SH3RF3: variants seen among roughly 807,000 people sequenced by gnomAD.
SH3RF3 encodes the protein E3 ubiquitin-protein ligase SH3RF3.
In SH3RF3, 29 loss-of-function variants were observed where a neutral mutation model predicts 66.3. The ratio of observed to expected loss-of-function variants is 0.44; its 90% CI spans 0.33 to 0.60. SH3RF3 has a LOEUF of 0.60. Ranked by LOEUF, SH3RF3 falls within the 20% of genes least tolerant of loss-of-function variation. SH3RF3 has a pLI of 0.04. For missense variants in SH3RF3, 1,194 were observed against 1,190.9 expected (o/e 1.00, Z -0.04); for synonymous variants, 583 against 532.0 (o/e 1.10, Z -1.32).
intron 1 of SH3RF3, among the ~76,000 whole-genome samples, chr2:109,195,993 C>A (rs1678490387): frequency 6.6e-6 from 1 of 152,228 alleles, no homozygotes; most frequent in Non-Finnish European, 1.5e-5. Flanking sequence ...ACCAGAAACT[C>A]CCATTTGCAG....
intron 3 of SH3RF3, among the ~76,000 whole-genome samples, chr2:109,383,101 G>C (rs1441429969): frequency 1.3e-5 from 2 of 152,180 alleles, no homozygotes; most frequent in South Asian, 2.1e-4. Context: ...CCCTGGCTCC[G>C]AGGCACTTGT....
intron 4 of SH3RF3, 146 bp from the exon 5 acceptor site, chr2:109,419,393 C>A: frequency 2.6e-6 from 2 of 781,034 alleles, no homozygotes; most frequent in South Asian, 1.7e-5. Context: ...CCATGACAGT[C>A]CAGGTAGGCA....
rs539283612 is a variant in SH3RF3, at chr2:109,277,321, T to C, written c.574-70353T>C. 3.3e-5 allele frequency among the ~76,000 whole-genome samples: 5 copies of C among 152,320 alleles called. No homozygotes were observed. In the South Asian group the frequency reaches 8.3e-4, roughly 25 times the overall value. On this transcript the variant is annotated intron_variant, in intron 1 of 9. Transcript: ENST00000309415. ...CTGAGGTTTGCAGATGATGGTTTGA[T>C]TGGATTTTGAAATGATTATTTTCTC...
intron 1 of SH3RF3, among the ~76,000 whole-genome samples, chr2:109,329,061 C>G (rs1229645077): frequency 2.0e-5 from 3 of 152,128 alleles, no homozygotes; most frequent in African/African-American, 7.2e-5. Flanking sequence ...GGCCTGGAAT[C>G]CTCTCACATT....
intron 1 of SH3RF3, among the ~76,000 whole-genome samples, chr2:109,153,791 G>A (rs547768306): frequency 4.6e-5 from 7 of 152,268 alleles, no homozygotes; most frequent in Admixed American, 2.0e-4. Flanking sequence ...CCCGACCCCC[G>A]ATGCCACCAT....
intron 8 of SH3RF3, among the ~76,000 whole-genome samples, chr2:109,468,400 TATC>T (rs1264234256): frequency 1.3e-5 from 2 of 152,212 alleles, no homozygotes; most frequent in Non-Finnish European, 2.9e-5. Flanking sequence ...TCAGTTTCAT[TATC>T]ATCTTATAAG....
At chr2:109,149,438 C>G (rs557670463) in intron 1 of SH3RF3, among the ~76,000 whole-genome samples, 38 of 152,348 alleles carry the variant, frequency 2.5e-4, no homozygotes, top group African/African-American at 9.1e-4. Flanking sequence ...TTCTAAACCT[C>G]TTTAATCTCA....
chr2:109,358,676 C>T (rs1682999725), intron 2 of SH3RF3, among the ~76,000 whole-genome samples: 1 of 152,204 alleles, frequency 6.6e-6, no homozygotes, highest in Non-Finnish European at 1.5e-5. Flanking sequence ...GTGTATTTTG[C>T]ATAATAATCC....
chr2:109,433,276 A>G (rs1161031649), intron 6 of SH3RF3, among the ~76,000 whole-genome samples: 1 of 152,262 alleles, frequency 6.6e-6, no homozygotes, highest in African/African-American at 2.4e-5. Flanking sequence ...GAAAAATGAT[A>G]TCTTCCCAAA....
chr2:109,159,669 C>T (rs965926016), intron 1 of SH3RF3, among the ~76,000 whole-genome samples: 8 of 152,108 alleles, frequency 5.3e-5, no homozygotes, highest in Non-Finnish European at 8.8e-5. Context: ...GGCGGGAGAG[C>T]GAGCAAAGCT....
chr2:109,442,771 A>G (rs887743257), intron 7 of SH3RF3, among the ~76,000 whole-genome samples: 4 of 152,242 alleles, frequency 2.6e-5, no homozygotes, highest in Non-Finnish European at 5.9e-5. Context: ...CATCCAAAAG[A>G]AAGCATTAAC....
intron 2 of SH3RF3, among the ~76,000 whole-genome samples, chr2:109,362,945 G>A (rs1683078233): frequency 6.6e-6 from 1 of 152,096 alleles, no homozygotes; most frequent in South Asian, 2.1e-4. Context: ...TAATCTGCTT[G>A]TGTGTGTATA....
rs1678904138 is a variant in SH3RF3 at position 109,484,063 on chromosome 2, CTTT to C, written c.2149-6541_2149-6539del. On this transcript the variant is annotated intron_variant, in intron 8 of 9. Transcript: ENST00000309415. ...GCACCAAGGTGTGCCATCCTCTGGC[CTTT>C]CTTTTTTTTTTTTTTTTTTGAGACC... 2.2e-5 allele frequency among the ~76,000 whole-genome samples: 3 copies of C among 139,482 alleles called. No homozygotes were observed. The Admixed American group carries it at 2.2e-4, about 10-fold the overall frequency. 91.5% of individuals were successfully genotyped at this position (139,482 alleles called of 152,430 possible).
chr2:109,221,576 C>T (rs978245169), intron 1 of SH3RF3, among the ~76,000 whole-genome samples: 1 of 128,866 alleles, frequency 7.8e-6, no homozygotes, highest in South Asian at 2.4e-4. Flanking sequence ...GGTGAGACTC[C>T]ATCTCAAAAA....
In SH3RF3 at chr2:109,491,110, G is replaced by A. The variant is rs1330588280; in HGVS notation, c.2480+174G>A. Among the ~76,000 whole-genome samples the A allele has an allele frequency of 2.0e-5, 3 of 152,210 alleles. No homozygotes were observed. In the East Asian group the frequency reaches 5.8e-4, roughly 29 times the overall value. ...TTGGGTGGTGAGTGCTGGATGAAAC[G>A]AGTCTGGGAACTGGAGTGTTATTTC... is the stretch of plus-strand genomic sequence containing the variant. On this transcript the variant is annotated intron_variant, in intron 9 of 9. Coordinates refer to ENST00000309415, the MANE Select transcript of SH3RF3 (RefSeq NM_001099289.3).
intron 1 of SH3RF3, among the ~76,000 whole-genome samples, chr2:109,207,748 G>A (rs1412155093): frequency 1.3e-5 from 2 of 151,616 alleles, no homozygotes; most frequent in African/African-American, 4.8e-5. Flanking sequence ...ATTTTATGTT[G>A]TAAATTGCTA....
rs1024385269 is a variant in SH3RF3 at position 109,476,460 on chromosome 2, C to T, written c.2149-14145C>T. 2.0e-5 allele frequency among the ~76,000 whole-genome samples: 3 copies of T among 152,218 alleles called. No individual in the cohort carries two copies. The East Asian group carries it at 5.8e-4, about 29-fold the overall frequency. On this transcript the variant is annotated intron_variant, in intron 8 of 9. Transcript: ENST00000309415. ...AGTAGTACTCAAATCCCATCAGACT[C>T]TTCAGACAGTTCATACAAGGAGGTC...
intron 8 of SH3RF3, among the ~76,000 whole-genome samples, chr2:109,461,146 A>T (rs1015664062): frequency 6.6e-6 from 1 of 152,162 alleles, no homozygotes; most frequent in East Asian, 1.9e-4. Context: ...CTCTAACCCG[A>T]TCATGTGTCC....
chr2:109,134,989 C>G (rs1227346629), intron 1 of SH3RF3, among the ~76,000 whole-genome samples: 2 of 152,212 alleles, frequency 1.3e-5, no homozygotes, highest in African/African-American at 2.4e-5. Context: ...CCCAGCAGCT[C>G]TGTGCTCTCC....
Sources: gnomAD v4.1 joint callset for allele counts (sites outside exome capture counted in the v4.1 genomes callset) on GRCh38, gnomAD v4.1.1 for gene constraint, MANE v1.5 for transcripts, NCBI Gene and HGNC (gene_info 2026-07-23, HGNC 2026-07-21) for gene names.